Variants in ZC3H13 observed in about 807,000 individuals in gnomAD.
ZC3H13 encodes the protein zinc finger CCCH domain-containing protein 13.
In ZC3H13, 64 loss-of-function variants were observed where a neutral mutation model predicts 204.1. The observed-to-expected ratio is 0.31, with a 90% CI of 0.26 to 0.39. The LOEUF is 0.39. ZC3H13 is among the 10% of genes least tolerant of loss of function. The probability of loss-of-function intolerance (pLI) is 1.00; values close to 1 mark genes in which losing one functional copy is unlikely to be tolerated. For synonymous variants in ZC3H13, 667 were observed against 693.7 expected (o/e 0.96, Z 0.60); for missense variants, 1,833 against 2,082.7 (o/e 0.88, Z 2.33).
chr13:45,965,670 AC>A (rs1194745449), intron 15 of ZC3H13, among the ~76,000 whole-genome samples: 2 of 152,184 alleles, frequency 1.3e-5, no homozygotes, highest in Non-Finnish European at 2.9e-5. Flanking sequence ...AATTATGAGA[AC>A]AGCTTATAAG....
intron 4 of ZC3H13, among the ~76,000 whole-genome samples, chr13:46,024,187 A>G (rs1462359102): frequency 1.3e-5 from 2 of 151,816 alleles, no homozygotes; most frequent in Non-Finnish European, 2.9e-5. Flanking sequence ...TTCATAGTAC[A>G]CTTCACTTCC....
At chr13:46,014,953 C>T (rs1441083134) in intron 5 of ZC3H13, among the ~76,000 whole-genome samples, 1 of 152,122 alleles carries the variant, frequency 6.6e-6, no homozygotes, top group African/African-American at 2.4e-5. Context: ...AAAAGAGTTT[C>T]CTTCTTAAAG....
chr13:45,980,540 G>A (rs1270225669), intron 10 of ZC3H13, among the ~76,000 whole-genome samples: 2 of 152,156 alleles, frequency 1.3e-5, no homozygotes, highest in Admixed American at 1.3e-4. Flanking sequence ...TTCAATGGAT[G>A]AACAGTTAAA....
intron 4 of ZC3H13, among the ~76,000 whole-genome samples, chr13:46,034,531 AAT>A (rs1339928459): frequency 6.6e-6 from 1 of 152,178 alleles, no homozygotes; most frequent in African/African-American, 2.4e-5. Flanking sequence ...AAGACACGAT[AAT>A]ATATATGATT....
At chr13:45,964,923 G>A (rs1468947803) in intron 16 of ZC3H13, among the ~76,000 whole-genome samples, 18 of 152,150 alleles carry the variant, frequency 1.2e-4, no homozygotes, top group Admixed American at 1.1e-3. Context: ...GTTGGCTTGT[G>A]TCACCACAGT....
rs576857541 is a variant in ZC3H13, at chr13:45,988,117, T to C, written c.1255+670A>G. Reference sequence around the variant, plus strand: ...GATGCTTTCAAACTACGCTCTCTGATTTGTTGCTTTTCTTCCCTTCACCTC... The same window carrying C: ...GATGCTTTCAAACTACGCTCTCTGACTTGTTGCTTTTCTTCCCTTCACCTC... On this transcript the variant is annotated intron_variant, in intron 9 of 18. Transcript: ENST00000679008. Among the ~76,000 whole-genome samples the C allele has an allele frequency of 7.2e-5, 11 of 152,306 alleles. 1 individual carries two copies. The highest frequency in any genetic ancestry group is 2.6e-4 in the African/African-American group (11 of 41,566).
chr13:46,030,196 C>A lies in ZC3H13; in HGVS notation c.340-9639G>T, dbSNP rs185622951. On this transcript the variant is annotated intron_variant, in intron 4 of 18. Transcript: ENST00000679008. ...TCCAACACTCAGACTAATAAAAACT[C>A]TTGGTAAATTAGAAACAGCGGCGAA... Among the ~76,000 whole-genome samples the A allele has an allele frequency of 5.9e-5, 9 of 152,230 alleles. No individual in the cohort carries two copies. The East Asian group carries it at 1.5e-3, about 26-fold the overall frequency.
At chr13:46,034,560 T>C (rs1458083751) in intron 4 of ZC3H13, among the ~76,000 whole-genome samples, 9 of 152,076 alleles carry the variant, frequency 5.9e-5, no homozygotes, top group Admixed American at 4.6e-4. Flanking sequence ...CAGTGACAGA[T>C]CAGAGGTTAT....
chr13:45,979,739 A>G (rs1181264966), intron 11 of ZC3H13, 74 bp downstream of exon 11: 2 of 1,419,034 alleles, frequency 1.4e-6, no homozygotes, highest in East Asian at 2.4e-5. Context: ...TAAAAAGTAA[A>G]TTGGTAACTG....
intron 1 of ZC3H13, 76 bp from the exon 2 acceptor site, chr13:46,045,592 G>T: frequency 1.0e-6 from 1 of 965,414 alleles, no homozygotes; most frequent in Non-Finnish European, 1.6e-6. Context: ...CTTACAAGTA[G>T]ATAAAACTAT....
At chr13:46,008,520 GTTAC>G (rs1566270839) in intron 7 of ZC3H13, among the ~76,000 whole-genome samples, 1 of 152,048 alleles carries the variant, frequency 6.6e-6, no homozygotes, top group Non-Finnish European at 1.5e-5. Flanking sequence ...AATAGGATGT[GTTAC>G]TAATAAAGAA....
chr13:45,990,260 G>T (rs2039875963), intron 8 of ZC3H13, among the ~76,000 whole-genome samples: 1 of 152,054 alleles, frequency 6.6e-6, no homozygotes. Context: ...ATTGCCAAAT[G>T]TCCTCTACCA....
At chr13:46,031,226 C>CA (rs574218304) in intron 4 of ZC3H13, among the ~76,000 whole-genome samples, 2,445 of 150,742 alleles carry the variant, frequency 0.016, 45 homozygotes, top group African/African-American at 0.049. Flanking sequence ...CAACCAAATG[C>CA]AAAAAAAATA....
chr13:45,999,099 G>A (rs1418934994), intron 8 of ZC3H13, among the ~76,000 whole-genome samples: 1 of 152,112 alleles, frequency 6.6e-6, no homozygotes, highest in Non-Finnish European at 1.5e-5. Context: ...AATTAGCTGA[G>A]TGTGGCAACG....
intron 10 of ZC3H13, 89 bp from the exon 11 acceptor site, chr13:45,980,093 TAATA>T (rs1953426190): frequency 9.3e-7 from 1 of 1,074,842 alleles, no homozygotes; most frequent in Non-Finnish European, 1.3e-6. Flanking sequence ...TAAACATCAC[TAATA>T]TATATATTTA....
intron 10 of ZC3H13, among the ~76,000 whole-genome samples, chr13:45,982,029 TAATA>T (rs557766775): frequency 1.8e-3 from 272 of 148,922 alleles, no homozygotes; most frequent in Non-Finnish European, 2.2e-3. Flanking sequence ...AATAATAAAA[TAATA>T]AATAAATAAA....
At chr13:46,021,444 T>C (rs1221198282) in intron 4 of ZC3H13, among the ~76,000 whole-genome samples, 1 of 152,012 alleles carries the variant, frequency 6.6e-6, no homozygotes, top group Non-Finnish European at 1.5e-5. Context: ...TTGTAAATAC[T>C]ATGAAAGACA....
Position 46,010,336 on chromosome 13 carries a change from C to T in ZC3H13, c.746+12G>A. The T allele has an allele frequency of 6.3e-7, 1 of 1,574,890 alleles. No homozygotes were observed. The highest frequency in any genetic ancestry group is 1.2e-5 in the South Asian group (1 of 86,512). ...AAGCTATTTTCTCGATACTATTTAT[C>T]ACCCTACTGACCTCTGCTGGTCCAA... On this transcript the variant is annotated intron_variant, in intron 7 of 18. Transcript: ENST00000679008.
chr13:46,024,209 T>C (rs887154659), intron 4 of ZC3H13, among the ~76,000 whole-genome samples: 8 of 117,770 alleles, frequency 6.8e-5, no homozygotes, highest in African/African-American at 2.1e-4. Flanking sequence ...CATGGTACAA[T>C]GCTACACTTT....
Sources: gnomAD v4.1 joint callset for allele counts (sites outside exome capture counted in the v4.1 genomes callset) on GRCh38, gnomAD v4.1.1 for gene constraint, MANE v1.5 for transcripts, NCBI Gene and HGNC (gene_info 2026-07-23, HGNC 2026-07-21) for gene names.